Variants in FREM2 observed in about 807,000 individuals in gnomAD.
FREM2 encodes the protein FRAS1 related extracellular matrix 2.
Under a neutral mutation model 219.9 loss-of-function variants are expected in FREM2, and 119 were observed. That is an observed-to-expected ratio of 0.54 (90% CI 0.47 to 0.63). FREM2 has a LOEUF of 0.63. FREM2 is among the 30% of genes least tolerant of loss of function. FREM2 has a pLI of 0.00. For missense variants in FREM2, 4,030 were observed against 3,993.6 expected, an observed-to-expected ratio of 1.01 and a Z score of -0.25; for synonymous variants, 1,562 against 1,522.8, an observed-to-expected ratio of 1.03 and a Z score of -0.60.
chr13:38,762,751 T>G (rs1873280046), intron 2 of FREM2, among the ~76,000 whole-genome samples: 1 of 152,156 alleles, frequency 6.6e-6, no homozygotes, highest in African/African-American at 2.4e-5. Context: ...TATTTATATT[T>G]TATAGTTGAT....
chr13:38,719,246 G>A (rs181471547), intron 2 of FREM2, among the ~76,000 whole-genome samples: 232 of 152,236 alleles, frequency 1.5e-3, no homozygotes, highest in Non-Finnish European at 2.7e-3. Context: ...TTGAGATGGA[G>A]TTTCGCTCTT....
chr13:38,742,698 A>G (rs1224951340), intron 2 of FREM2, among the ~76,000 whole-genome samples: 1 of 152,162 alleles, frequency 6.6e-6, no homozygotes, highest in Non-Finnish European at 1.5e-5. Flanking sequence ...AGTGAGGTAG[A>G]ATTATCAATG....
chr13:38,731,623 A>T (rs1429727805), intron 2 of FREM2, among the ~76,000 whole-genome samples: 2 of 152,218 alleles, frequency 1.3e-5, no homozygotes, highest in East Asian at 3.8e-4. Flanking sequence ...GATTTTCACA[A>T]AAGTAAAACT....
At chr13:38,719,165 C>T (rs951211819) in intron 2 of FREM2, among the ~76,000 whole-genome samples, 1 of 152,176 alleles carries the variant, frequency 6.6e-6, no homozygotes, top group Non-Finnish European at 1.5e-5. Flanking sequence ...TAGAGGCTGG[C>T]CACTTTCCTT....
intron 6 of FREM2, among the ~76,000 whole-genome samples, chr13:38,841,783 A>T (rs1429097288): frequency 6.6e-6 from 1 of 152,162 alleles, no homozygotes; most frequent in Non-Finnish European, 1.5e-5. Context: ...CATTTGCTGC[A>T]GCAAATAAAT....
intron 4 of FREM2, 31 bp from the exon 5 acceptor site, chr13:38,783,039 A>T: frequency 1.9e-6 from 3 of 1,612,094 alleles, no homozygotes; most frequent in Non-Finnish European, 2.5e-6. Context: ...CTCAGACAAA[A>T]ATAATGCTTG....
rs1878544021 is a variant in FREM2 at position 38,881,403 on chromosome 13, C to T, written c.*616C>T. 1 of 155,378 alleles carries T rather than the reference C, an allele frequency of 6.4e-6. No individual in the cohort carries two copies. Among genetic ancestry groups the T allele is most frequent in the East Asian group, 1.9e-4 (1 of 5,324 alleles). The allele number at this position is 155,378 out of a possible 1,614,324, so 9.6% of individuals were successfully genotyped here. A position where few individuals can be genotyped will look rare whatever the true frequency, so the allele number is the denominator to read the frequency against. On this transcript the variant is annotated 3_prime_UTR_variant, in exon 24 of 24. Coordinates refer to ENST00000280481, the MANE Select transcript of FREM2 (RefSeq NM_207361.6). ...AGTTCACTCACTTGAATTTGAATTG[C>T]TTCTCATTCTCATCAGACTCTCCTT...
intron 11 of FREM2, among the ~76,000 whole-genome samples, chr13:38,853,082 C>T (rs1358854759): frequency 6.6e-6 from 1 of 151,828 alleles, no homozygotes; most frequent in East Asian, 2.0e-4. Context: ...AATCCCAGCA[C>T]TTTGGGAGGC....
intron 6 of FREM2, among the ~76,000 whole-genome samples, chr13:38,813,482 CTCTCTCTCTCT>C (rs1875582441): frequency 8.4e-5 from 1 of 11,878 alleles, no homozygotes; most frequent in African/African-American, 2.8e-4. Flanking sequence ...CTCTCTCTCT[CTCTCTCTCTCT>C]CTCTCTCTCT....
chr13:38,874,694 T>C (rs1878283853), intron 18 of FREM2, 108 bp downstream of exon 18: 1 of 838,000 alleles, frequency 1.2e-6, no homozygotes. Context: ...GCCCTTAATC[T>C]CAAATGAATT....
At position 38,691,201 on chromosome 13, in the gene FREM2, A is replaced by C. The variant is rs1476514664; in HGVS notation, c.3857A>C (p.His1286Pro). The change falls in exon 1 of 24, where the codon CAC becomes CCC. Residue 1286 changes from histidine (H) to proline (P), a missense_variant. His to Pro is a moderately conservative substitution (Grantham distance 77, BLOSUM62 -2). This residue lies in a region of FREM2 where 3,102 missense variants were observed against 2,950.7 expected (regional missense o/e 1.05). Transcript: ENST00000280481. ...SFVIKLTDGKHSVEKTVLIIV... is the reference protein window; with the variant it reads ...SFVIKLTDGKPSVEKTVLIIV... ...GTGATTAAACTAACAGATGGGAAGC[A>C]CTCTGTGGAAAAGACGGTCCTCATT... The C allele has an allele frequency of 6.2e-7, 1 of 1,613,986 alleles. No homozygotes were observed. Among genetic ancestry groups the C allele is most frequent in the Admixed American group, 1.7e-5 (1 of 60,014 alleles).
At chr13:38,875,678 C>G (rs1333936376) in intron 18 of FREM2, among the ~76,000 whole-genome samples, 2 of 152,194 alleles carry the variant, frequency 1.3e-5, no homozygotes, top group South Asian at 2.1e-4. Context: ...ATTCACATCA[C>G]CCTTTATTGT....
intron 6 of FREM2, among the ~76,000 whole-genome samples, chr13:38,814,048 T>A (rs1875654668): frequency 6.6e-6 from 1 of 152,272 alleles, no homozygotes; most frequent in Admixed American, 6.5e-5. Flanking sequence ...GATTCTTTTT[T>A]AATTATTTTA....
At chr13:38,738,120 C>T (rs1384197374) in intron 2 of FREM2, among the ~76,000 whole-genome samples, 1 of 152,114 alleles carries the variant, frequency 6.6e-6, no homozygotes, top group Non-Finnish European at 1.5e-5. Context: ...ATGTTCTGCT[C>T]TGGTAGCTGA....
intron 6 of FREM2, among the ~76,000 whole-genome samples, chr13:38,810,631 A>G (rs1471313537): frequency 2.6e-5 from 4 of 152,068 alleles, no homozygotes; most frequent in Non-Finnish European, 4.4e-5. Context: ...ATTGATTTGC[A>G]TATGTTAAAC....
At chr13:38,817,128 G>A (rs538134694) in intron 6 of FREM2, among the ~76,000 whole-genome samples, 1 of 151,952 alleles carries the variant, frequency 6.6e-6, no homozygotes, top group Non-Finnish European at 1.5e-5. Flanking sequence ...TCATAAAATG[G>A]CCAAACTACT....
At chr13:38,871,713 A>G (rs17627567) in intron 16 of FREM2, among the ~76,000 whole-genome samples, 2 of 152,120 alleles carry the variant, frequency 1.3e-5, no homozygotes, top group African/African-American at 4.8e-5. Context: ...CCATCCAACT[A>G]TCCATCCATA....
intron 4 of FREM2, among the ~76,000 whole-genome samples, chr13:38,780,627 A>ACACATTCAC (rs1874082266): frequency 6.6e-6 from 1 of 152,248 alleles, no homozygotes; most frequent in African/African-American, 2.4e-5. Flanking sequence ...GTAAAAAGCC[A>ACACATTCAC]GTAGCCAGAC....
rs377261589 is a variant in FREM2, at chr13:38,784,750, A to G, written c.5961A>G (p.Gly1987=). The change falls in exon 6 of 24, where the codon GGA becomes GGG. Residue 1987 remains glycine (G), a synonymous_variant. Coordinates refer to ENST00000280481, the MANE Select transcript of FREM2 (RefSeq NM_207361.6). ...TCCTTCTGAGCATGCCCATGGGGGG[A>G]AGAATCGGATCAGAGTTCCCAGGGG... The part of the protein sequence containing the change: ...FHVLLSMPMG[G]RIGSEFPGAQ... The G allele has an allele frequency of 4.3e-6, 7 of 1,614,082 alleles. No homozygotes were observed. In the Middle Eastern group the frequency reaches 6.6e-4, roughly 152 times the overall value.
Sources: allele counts gnomAD v4.1 joint callset (sites outside exome capture counted in the v4.1 genomes callset), GRCh38; gene constraint gnomAD v4.1.1; regional missense constraint gnomAD v4.1.1; transcripts MANE v1.5; gene names NCBI Gene and HGNC (gene_info 2026-07-23, HGNC 2026-07-21).